Variants in FNDC3B observed in about 807,000 individuals in gnomAD.
The protein encoded by FNDC3B is fibronectin type III domain-containing protein 3B.
FNDC3B carries 12 observed loss-of-function variants against 151.5 expected under a neutral mutation model. The observed-to-expected ratio is 0.08, with a 90% CI of 0.05 to 0.13. The LOEUF (loss-of-function observed/expected upper bound fraction) is 0.13. Ranked by LOEUF, FNDC3B falls within the 10% of genes least tolerant of loss-of-function variation. The pLI is 1.00. For missense variants in FNDC3B, 1,214 were observed against 1,505.3 expected, an observed-to-expected ratio of 0.81 and a Z score of 3.20; for synonymous variants, 528 against 549.0, an observed-to-expected ratio of 0.96 and a Z score of 0.54.
chr3:172,217,072 G>T (rs544820412), intron 3 of FNDC3B, among the ~76,000 whole-genome samples: 55 of 67,784 alleles, frequency 8.1e-4, no homozygotes, highest in Non-Finnish European at 1.7e-3. Context: ...TACTCATTCC[G>T]CATGCCATTC....
At chr3:172,205,332 C>T (rs376239833) in intron 3 of FNDC3B, among the ~76,000 whole-genome samples, 4 of 152,086 alleles carry the variant, frequency 2.6e-5, no homozygotes, top group African/African-American at 9.7e-5. Flanking sequence ...CCATGGCTGC[C>T]ATTGATGTAA....
At chr3:172,328,804 T>C in intron 11 of FNDC3B, 148 bp from the exon 12 acceptor site, 1 of 576,292 alleles carries the variant, frequency 1.7e-6, no homozygotes, top group Non-Finnish European at 2.9e-6. Context: ...ACATGGACAC[T>C]TCCCTGTAAG....
chr3:172,111,586 A>G (rs1719970121), intron 1 of FNDC3B, among the ~76,000 whole-genome samples: 1 of 152,194 alleles, frequency 6.6e-6, no homozygotes, highest in Admixed American at 6.5e-5. Flanking sequence ...TGGCTTTTAT[A>G]TATCTTTTGA....
intron 3 of FNDC3B, among the ~76,000 whole-genome samples, chr3:172,210,804 G>T (rs1277458119): frequency 6.6e-6 from 1 of 152,176 alleles, no homozygotes; most frequent in African/African-American, 2.4e-5. Flanking sequence ...CTTTTTTCTG[G>T]CTCAAGTGAG....
At chr3:172,231,045 A>T (rs1053605097) in intron 4 of FNDC3B, among the ~76,000 whole-genome samples, 5 of 152,234 alleles carry the variant, frequency 3.3e-5, no homozygotes, top group African/African-American at 1.2e-4. Flanking sequence ...CCCAAAGTGG[A>T]AACAACCCAA....
chr3:172,240,250 A>C (rs538154113), intron 4 of FNDC3B, among the ~76,000 whole-genome samples: 1 of 152,194 alleles, frequency 6.6e-6, no homozygotes, highest in African/African-American at 2.4e-5. Flanking sequence ...CACTTCCCTA[A>C]GCATCATTCT....
intron 18 of FNDC3B, among the ~76,000 whole-genome samples, chr3:172,343,750 T>C (rs142800031): frequency 0.01 from 1,550 of 152,336 alleles, 12 homozygotes; most frequent in African/African-American, 0.029. Context: ...GCATGACCTT[T>C]GGTTTCCAAT....
chr3:172,378,900 A>G (rs1178897975), intron 24 of FNDC3B, among the ~76,000 whole-genome samples: 1 of 152,156 alleles, frequency 6.6e-6, no homozygotes, highest in Non-Finnish European at 1.5e-5. Context: ...GTTCTGCTCT[A>G]ATCTCCTGGG....
intron 3 of FNDC3B, among the ~76,000 whole-genome samples, chr3:172,206,204 C>T (rs2108699400): frequency 6.6e-6 from 1 of 152,216 alleles, no homozygotes; most frequent in African/African-American, 2.4e-5. Context: ...ATGTTTATTG[C>T]AGCTCATTAA....
At chr3:172,142,866 A>C (rs368345436) in intron 3 of FNDC3B, among the ~76,000 whole-genome samples, 9 of 152,204 alleles carry the variant, frequency 5.9e-5, no homozygotes, top group African/African-American at 1.9e-4. Context: ...AGATCAAGAT[A>C]CTAGCTTCTT....
chr3:172,343,048 C>T lies in FNDC3B; in HGVS notation c.2009C>T (p.Ala670Val). Residue 670 changes from alanine to valine, a missense_variant, in exon 18 of 26, where the codon GCA (alanine) becomes GTA (valine). By Grantham distance (64) the Ala-to-Val change is moderately conservative. Transcript: ENST00000415807. ...ESLPVRTLSI[A>V]PGQCRPPRVL... ...CTCCCTGTTCGCACACTAAGCATTG[C>T]ACCAGGTCAATGTCGACCACCGAGG... 1.9e-6 allele frequency: 3 copies of T among 1,612,760 alleles called. No homozygotes were observed. The highest frequency in any genetic ancestry group is 2.5e-6 in the Non-Finnish European group (3 of 1,179,260).
At chr3:172,224,650 T>C (rs1299078301) in intron 3 of FNDC3B, among the ~76,000 whole-genome samples, 1 of 152,198 alleles carries the variant, frequency 6.6e-6, no homozygotes, top group Non-Finnish European at 1.5e-5. Flanking sequence ...TACTGTGAAG[T>C]GAAGGATGCA....
chr3:172,189,832 A>T (rs956856350), intron 3 of FNDC3B, among the ~76,000 whole-genome samples: 6 of 129,912 alleles, frequency 4.6e-5, no homozygotes, highest in Non-Finnish European at 9.7e-5. Flanking sequence ...AAAAAAAAAA[A>T]TCATGTCATT....
rs570818116 is a variant in FNDC3B, at chr3:172,247,903, C to T, written c.508+127C>T. ...AAGGATCTAGGTGGTTTGTAAGACT[C>T]ATGGGGAATTCCTAGCTTCCTTTGT... On this transcript the variant is annotated intron_variant, in intron 5 of 25. Coordinates refer to ENST00000415807, the MANE Select transcript of FNDC3B (RefSeq NM_022763.4). The T allele has an allele frequency of 2.9e-6, 3 of 1,018,032 alleles. No individual in the cohort carries two copies. The African/African-American group carries it at 4.8e-5, about 16-fold the overall frequency. The allele number at this position is 1,018,032 out of a possible 1,614,324, so 63.1% of individuals were successfully genotyped here. A position where few individuals can be genotyped will look rare whatever the true frequency, so the allele number is the denominator to read the frequency against.
chr3:172,311,216 G>C (rs1280139223), intron 11 of FNDC3B, among the ~76,000 whole-genome samples: 1 of 152,202 alleles, frequency 6.6e-6, no homozygotes, highest in Non-Finnish European at 1.5e-5. Context: ...CTGCTCAGAT[G>C]ATTTTGATAA....
chr3:172,276,856 G>T (rs904319890), intron 6 of FNDC3B, among the ~76,000 whole-genome samples: 1 of 152,166 alleles, frequency 6.6e-6, no homozygotes, highest in African/African-American at 2.4e-5. Context: ...TTCTGTTCTA[G>T]ATTAAGAGAG....
intron 7 of FNDC3B, among the ~76,000 whole-genome samples, chr3:172,288,665 C>T (rs2108830211): frequency 6.6e-6 from 1 of 152,326 alleles, no homozygotes; most frequent in Non-Finnish European, 1.5e-5. Flanking sequence ...ACTCCAGAGT[C>T]ATGAAAGATC....
At chr3:172,334,819 A>G in intron 14 of FNDC3B, 125 bp from the exon 15 acceptor site, 1 of 787,722 alleles carries the variant, frequency 1.3e-6, no homozygotes, top group Non-Finnish European at 2.0e-6. Context: ...TTGAGTTGAA[A>G]GAGAAAAAAA....
At chr3:172,053,011 A>G (rs1198576685) in intron 1 of FNDC3B, among the ~76,000 whole-genome samples, 1 of 152,208 alleles carries the variant, frequency 6.6e-6, no homozygotes. Context: ...AAATACAGTA[A>G]TAGTGGCCAA....
Sources: allele counts gnomAD v4.1 joint callset (sites outside exome capture counted in the v4.1 genomes callset), GRCh38; gene constraint gnomAD v4.1.1; transcripts MANE v1.5; gene names NCBI Gene and HGNC (gene_info 2026-07-23, HGNC 2026-07-21).